The following TMEM63C variants were observed in gnomAD, a reference collection of about 807,000 sequenced individuals.
The protein encoded by TMEM63C is transmembrane protein 63C, also known as osmosensitive cation channel TMEM63C.
In TMEM63C, 32 loss-of-function variants were observed where a neutral mutation model predicts 99.2. That is an observed-to-expected ratio of 0.32 (90% confidence interval 0.24 to 0.43). The LOEUF is 0.43. Among genes scored for constraint, TMEM63C ranks in the 20% least tolerant of loss-of-function variants. TMEM63C has a pLI of 1.00. For missense variants in TMEM63C, 826 were observed against 1,053.0 expected (o/e 0.78, Z 2.98); for synonymous variants, 376 against 397.9 (o/e 0.94, Z 0.66).
chr14:77,195,928 C>A (rs147846419), intron 1 of TMEM63C: 4 of 152,512 alleles, frequency 2.6e-5, no homozygotes, highest in African/African-American at 7.2e-5. Flanking sequence ...CCAAGGCAGG[C>A]CTTGTGGTAG....
chr14:77,191,545 T>TC (rs1262701969), intron 1 of TMEM63C, among the ~76,000 whole-genome samples: 3 of 112,762 alleles, frequency 2.7e-5, no homozygotes, highest in East Asian at 5.2e-4. Flanking sequence ...TTTCTTTTTT[T>TC]TTTTTTTTTT....
intron 9 of TMEM63C, among the ~76,000 whole-genome samples, chr14:77,238,319 T>A (rs379708): frequency 1.3e-5 from 2 of 152,062 alleles, no homozygotes; most frequent in African/African-American, 2.4e-5. Flanking sequence ...GGGGTCGCTC[T>A]GGCAGCTCTT....
intron 5 of TMEM63C, among the ~76,000 whole-genome samples, chr14:77,224,372 A>C (rs552211381): frequency 1.6e-4 from 25 of 152,000 alleles, no homozygotes; most frequent in Admixed American, 1.6e-3. Flanking sequence ...TCCCCAGTCC[A>C]TGTGGTTCCA....
chr14:77,234,086 A>G (rs1336984945), intron 8 of TMEM63C, among the ~76,000 whole-genome samples: 3 of 152,138 alleles, frequency 2.0e-5, no homozygotes, highest in Non-Finnish European at 2.9e-5. Context: ...ACTTCAGCCA[A>G]CCTGACTGGA....
At chr14:77,214,505 G>A (rs1700504013) in intron 2 of TMEM63C, among the ~76,000 whole-genome samples, 3 of 152,006 alleles carry the variant, frequency 2.0e-5, no homozygotes, top group African/African-American at 7.3e-5. Context: ...CTGGCCTGGG[G>A]ATGGAGACGT....
At chr14:77,208,107 G>A (rs562315099) in intron 1 of TMEM63C, among the ~76,000 whole-genome samples, 2 of 152,278 alleles carry the variant, frequency 1.3e-5, no homozygotes, top group East Asian at 3.9e-4. Flanking sequence ...CCTGGTCTTT[G>A]TACAGGAAAC....
intron 2 of TMEM63C, among the ~76,000 whole-genome samples, chr14:77,215,258 C>G (rs1469682241): frequency 3.3e-5 from 5 of 152,074 alleles, no homozygotes; most frequent in Non-Finnish European, 7.4e-5. Flanking sequence ...ATCCGCCCAC[C>G]ACCACCACCT....
chr14:77,243,141 T>G, intron 15 of TMEM63C, 85 bp downstream of exon 15: 3 of 1,495,410 alleles, frequency 2.0e-6, no homozygotes, highest in South Asian at 1.2e-5. Flanking sequence ...GGGAGCCCCC[T>G]GGGAGGGGGC....
intron 8 of TMEM63C, among the ~76,000 whole-genome samples, chr14:77,234,445 C>G (rs1406447662): frequency 6.6e-6 from 1 of 152,326 alleles, no homozygotes; most frequent in Non-Finnish European, 1.5e-5. Flanking sequence ...CCCGAGGTAC[C>G]TACATCTTCC....
Position 77,256,525 on chromosome 14 carries a change from G to A in TMEM63C, c.2221-1G>A, listed in dbSNP as rs1480879706. 4.3e-6 allele frequency: 7 copies of A among 1,613,818 alleles called. No individual in the cohort carries two copies. The highest frequency in any genetic ancestry group is 5.1e-6 in the Non-Finnish European group (6 of 1,179,878). ...CTGTCCCCTGTCTCTATCCCAAGCA[G>A]CTGTATGTGGCCACCGTGCTGCAAG... On this transcript the variant is annotated splice_acceptor_variant, in intron 23 of 23. Coordinates refer to ENST00000298351, the MANE Select transcript of TMEM63C (RefSeq NM_020431.4). LOFTEE classifies it high-confidence loss of function.
At chr14:77,249,930 T>G (rs443350) in intron 21 of TMEM63C, among the ~76,000 whole-genome samples, 111,844 of 152,074 alleles carry the variant, frequency 0.74, 41,629 homozygotes, top group Middle Eastern at 0.79. Context: ...GACCTCCTGG[T>G]CTCAAGCAAT....
At chr14:77,239,082 A>G (rs1336741465) in intron 10 of TMEM63C, among the ~76,000 whole-genome samples, 1 of 152,196 alleles carries the variant, frequency 6.6e-6, no homozygotes, top group African/African-American at 2.4e-5. Context: ...TCATCTGGAG[A>G]CATCCTTTGT....
At chr14:77,231,964 T>C (rs912924395) in intron 7 of TMEM63C, among the ~76,000 whole-genome samples, 2 of 152,232 alleles carry the variant, frequency 1.3e-5, no homozygotes, top group African/African-American at 4.8e-5. Flanking sequence ...GCACATAGTA[T>C]TAATTCAGTT....
chr14:77,186,971 GAAC>G (rs1888013057), intron 1 of TMEM63C, among the ~76,000 whole-genome samples: 2 of 152,180 alleles, frequency 1.3e-5, no homozygotes, highest in Non-Finnish European at 2.9e-5. Context: ...GGCAGCAGAA[GAAC>G]AACAGCCTGA....
At chr14:77,251,923 C>T (rs1419727186) in intron 22 of TMEM63C, 25 bp downstream of exon 22, 1 of 1,570,292 alleles carries the variant, frequency 6.4e-7, no homozygotes, top group Admixed American at 1.7e-5. Flanking sequence ...TGCCCCTCCT[C>T]CTGGTTCTCT....
chr14:77,243,032 C>T lies in TMEM63C; in HGVS notation c.1317C>T (p.Val439=). The T allele has an allele frequency of 6.2e-7, 1 of 1,613,898 alleles. No homozygotes were observed. The highest frequency in any genetic ancestry group is 1.1e-5 in the South Asian group (1 of 91,074). ...TGAACACTATCGACATGTACAACGT[C>T]ACCCGCCCCATCGAGAAGCTGCAGG... ...IIMNTIDMYN[V]TRPIEKLQNP... is the part of the protein sequence containing the mutation. The change falls in exon 15 of 24, where the codon GTC becomes GTT. Residue 439 remains valine, a synonymous_variant. Transcript: ENST00000298351.
intron 23 of TMEM63C, among the ~76,000 whole-genome samples, chr14:77,253,832 G>A (rs1422708641): frequency 1.3e-5 from 2 of 152,228 alleles, no homozygotes; most frequent in African/African-American, 2.4e-5. Context: ...GCCTGTCTGC[G>A]TGCAGAGAGG....
At chr14:77,252,993 A>G (rs955496684) in intron 22 of TMEM63C, among the ~76,000 whole-genome samples, 3 of 152,260 alleles carry the variant, frequency 2.0e-5, no homozygotes, top group South Asian at 2.1e-4. Context: ...AGGAGGAAAG[A>G]CGACAGTGCT....
chr14:77,189,682 C>A (rs977789333), intron 1 of TMEM63C, among the ~76,000 whole-genome samples: 1 of 152,212 alleles, frequency 6.6e-6, no homozygotes, highest in South Asian at 2.1e-4. Flanking sequence ...GAAAAGTAAT[C>A]TGAGATGTCT....
Sources: gnomAD v4.1 joint callset for allele counts (sites outside exome capture counted in the v4.1 genomes callset) on GRCh38, gnomAD v4.1.1 for gene constraint, MANE v1.5 for transcripts, NCBI Gene and HGNC (gene_info 2026-07-23, HGNC 2026-07-21) for gene names.